SCARA3: variants seen among roughly 807,000 people sequenced by gnomAD.
SCARA3 encodes scavenger receptor class A member 3, also known as cellular stress response gene protein.
SCARA3 carries 39 observed loss-of-function variants against 47.0 expected under a neutral mutation model. The observed-to-expected ratio is 0.83, with a 90% confidence interval of 0.64 to 1.08. SCARA3 has a LOEUF of 1.08. Ranked by LOEUF, SCARA3 falls within the 50% of genes least tolerant of loss-of-function variation. The probability of loss-of-function intolerance (pLI) is 0.00; values close to 1 mark genes in which losing one functional copy is unlikely to be tolerated. For missense variants in SCARA3, 724 were observed against 792.3 expected (o/e 0.91, Z 1.04); for synonymous variants, 356 against 334.1 (o/e 1.07, Z -0.71).
chr8:27,649,379 C>T (rs1399723916), intron 1 of SCARA3, among the ~76,000 whole-genome samples: 2 of 152,228 alleles, frequency 1.3e-5, no homozygotes, highest in Non-Finnish European at 2.9e-5. Context: ...CCAGAGCAAG[C>T]AGCCAGCTCT....
chr8:27,693,371 T>C, the SCARA3 span, among the ~76,000 whole-genome samples: 2 of 152,208 alleles, frequency 1.3e-5, no homozygotes, highest in African/African-American at 2.4e-5. Flanking sequence ...TGGCTCAGAA[T>C]AAATATCTTC....
the SCARA3 span, among the ~76,000 whole-genome samples, chr8:27,722,126 A>G: frequency 2.6e-5 from 4 of 152,122 alleles, no homozygotes; most frequent in African/African-American, 9.7e-5. Flanking sequence ...CTAAATCTAG[A>G]TGTAAGGATG....
the SCARA3 span, among the ~76,000 whole-genome samples, chr8:27,708,618 G>A: frequency 3.9e-5 from 6 of 152,028 alleles, no homozygotes; most frequent in South Asian, 2.1e-4. Flanking sequence ...GAAAAAAATC[G>A]TCTTGGTGGT....
chr8:27,688,399 C>CAAA, the SCARA3 span, among the ~76,000 whole-genome samples: 56 of 138,724 alleles, frequency 4.0e-4, no homozygotes, highest in East Asian at 4.6e-3. Context: ...TTGATATTGG[C>CAAA]AAAAAAAAAA....
chr8:27,671,023 A>G lies in SCARA3; in HGVS notation c.1493A>G (p.Gln498Arg). 1 of 1,611,852 alleles carries G rather than the reference A, an allele frequency of 6.2e-7. No individual in the cohort carries two copies. Among genetic ancestry groups the G allele is most frequent in the Non-Finnish European group, 8.5e-7 (1 of 1,179,490 alleles). Residue 498 changes from glutamine to arginine, a missense_variant, in exon 6 of 6, where the codon CAG (glutamine) becomes CGG (arginine). Coordinates refer to ENST00000301904, the MANE Select transcript of SCARA3 (RefSeq NM_016240.3). ...SLGPLGPQGPQGQPGEAGPVG... is the reference protein window; with the variant it reads ...SLGPLGPQGPRGQPGEAGPVG... ...GGCCCCCTGGGACCCCAGGGTCCTC[A>G]GGGGCAACCTGGAGAGGCCGGGCCT...
At position 27,672,581 on chromosome 8, in the gene SCARA3, C is replaced by T. The variant is rs1298125937; in HGVS notation, c.*1230C>T. ...TGTCCCACCGGGACCCACAATGGCC[C>T]GAGCCCTCTTTGCATGGGCAGCCAG... On this transcript the variant is annotated 3_prime_UTR_variant, in exon 6 of 6. Transcript: ENST00000301904. The T allele has an allele frequency of 1.5e-5, 15 of 985,572 alleles. No homozygotes were observed. The highest frequency in any genetic ancestry group is 1.2e-4 in the Admixed American group (2 of 16,280). 61.1% of individuals were successfully genotyped at this position (985,572 alleles called of 1,614,324 possible).
At chr8:27,712,518 C>G in the SCARA3 span, among the ~76,000 whole-genome samples, 8 of 148,888 alleles carry the variant, frequency 5.4e-5, no homozygotes, top group Admixed American at 4.7e-4. Flanking sequence ...AGCCGAGATC[C>G]CGCCACTGCA....
intron 1 of SCARA3, among the ~76,000 whole-genome samples, chr8:27,637,078 T>C (rs1278245059): frequency 1.3e-5 from 2 of 152,218 alleles, no homozygotes; most frequent in African/African-American, 4.8e-5. Context: ...TGTGATGTTG[T>C]ATGGAGAACC....
At chr8:27,660,472 T>C (rs753146040) in intron 5 of SCARA3, among the ~76,000 whole-genome samples, 1 of 147,558 alleles carries the variant, frequency 6.8e-6, no homozygotes, top group Non-Finnish European at 1.5e-5. Context: ...TAGAGATAGA[T>C]GATAGGGATG....
At position 27,651,596 on chromosome 8, in the gene SCARA3, C is replaced by T. The variant is rs1563405391; in HGVS notation, c.195C>T (p.Leu65=). ...TTCTTTACCTCTTCCTGGCCCTGCT[C>T]CTGGTGGCCGTGGCTGTGTTGGCCT... is the stretch of plus-strand genomic sequence containing the variant. The part of the protein sequence containing the change: ...VRILYLFLAL[L]LVAVAVLASL... The change falls in exon 3 of 6, where the codon CTC becomes CTT. Residue 65 remains leucine, a synonymous_variant. Transcript: ENST00000301904. 1 of 1,614,138 alleles carries T rather than the reference C, an allele frequency of 6.2e-7. No homozygotes were observed. Among genetic ancestry groups the T allele is most frequent in the Non-Finnish European group, 8.5e-7 (1 of 1,180,020 alleles).
the SCARA3 span, among the ~76,000 whole-genome samples, chr8:27,722,848 CTTTCTCCAACAGGGTATCCCT>C: frequency 6.6e-6 from 1 of 152,152 alleles, no homozygotes; most frequent in Non-Finnish European, 1.5e-5. Context: ...GGTCCTGTTA[CTTTCTCCAACAGGGTATCCCT>C]TTTCTCCTAG....
chr8:27,676,224 C>T (rs1169592133), downstream of SCARA3, among the ~76,000 whole-genome samples: 2 of 152,196 alleles, frequency 1.3e-5, no homozygotes, highest in East Asian at 3.9e-4. Flanking sequence ...TCTGAGATTG[C>T]TGAGTTCCAC....
At chr8:27,656,925 G>T in intron 4 of SCARA3, 45 bp downstream of exon 4, 1 of 1,303,334 alleles carries the variant, frequency 7.7e-7, no homozygotes, top group Non-Finnish European at 1.1e-6. Flanking sequence ...TCTTCAGGGT[G>T]GGGCAGGGGT....
the SCARA3 span, among the ~76,000 whole-genome samples, chr8:27,682,902 A>G: frequency 1.3e-5 from 2 of 152,166 alleles, no homozygotes; most frequent in Non-Finnish European, 2.9e-5. Flanking sequence ...CACCTCTCAA[A>G]TAGTCTAGCC....
At chr8:27,677,319 G>A (rs1003986463), downstream of SCARA3, among the ~76,000 whole-genome samples, 1 of 152,196 alleles carries the variant, frequency 6.6e-6, no homozygotes, top group Non-Finnish European at 1.5e-5. Flanking sequence ...GGCTGCCAAG[G>A]CAGCTGGAAT....
At chr8:27,668,486 G>A (rs1166080622) in intron 5 of SCARA3, among the ~76,000 whole-genome samples, 4 of 147,720 alleles carry the variant, frequency 2.7e-5, no homozygotes, top group African/African-American at 9.9e-5. Flanking sequence ...CTTGCAGTGA[G>A]CCGAGATTGC....
At chr8:27,649,614 G>A in intron 1 of SCARA3, 88 bp from the exon 2 acceptor site, 1 of 1,226,770 alleles carries the variant, frequency 8.2e-7, no homozygotes. Flanking sequence ...GGTAGAGGTG[G>A]GCATGGGATA....
At chr8:27,689,995 C>T in the SCARA3 span, among the ~76,000 whole-genome samples, 3 of 152,006 alleles carry the variant, frequency 2.0e-5, no homozygotes, top group Non-Finnish European at 2.9e-5. Flanking sequence ...TTTTTTTAAA[C>T]GACTTACTTC....
chr8:27,732,202 CA>C, the SCARA3 span, among the ~76,000 whole-genome samples: 2 of 152,080 alleles, frequency 1.3e-5, no homozygotes, highest in African/African-American at 2.4e-5. Flanking sequence ...GATGTTGGAA[CA>C]AAACACAACA....
Sources: allele counts gnomAD v4.1 joint callset (sites outside exome capture counted in the v4.1 genomes callset), GRCh38; gene constraint gnomAD v4.1.1; transcripts MANE v1.5; gene names NCBI Gene and HGNC (gene_info 2026-07-23, HGNC 2026-07-21).